Variants in NBEA observed in about 807,000 individuals in gnomAD.
NBEA encodes the protein lysosomal-trafficking regulator 2.
A neutral mutation model predicts 343.4 loss-of-function variants in NBEA; 44 were observed. The observed-to-expected ratio is 0.13, with a 90% CI of 0.10 to 0.16. The LOEUF (loss-of-function observed/expected upper bound fraction) is 0.16, where lower values mean the gene tolerates loss of function less well. Among genes scored for constraint, NBEA ranks in the 10% least tolerant of loss-of-function variants. The pLI, the probability that NBEA is intolerant of heterozygous loss-of-function variation, is 1.00. For missense variants in NBEA, 2,555 were observed against 3,631.3 expected, an observed-to-expected ratio of 0.70 and a Z score of 7.62; for synonymous variants, 1,175 against 1,238.7, an observed-to-expected ratio of 0.95 and a Z score of 1.08.
intron 35 of NBEA, among the ~76,000 whole-genome samples, chr13:35,302,898 A>G (rs2036644381): frequency 6.6e-6 from 1 of 152,230 alleles, no homozygotes; most frequent in South Asian, 2.1e-4. Flanking sequence ...CATAAAACAC[A>G]TAAAGAGTAA....
chr13:35,437,428 A>G (rs1049887658), intron 39 of NBEA, among the ~76,000 whole-genome samples: 10 of 152,152 alleles, frequency 6.6e-5, no homozygotes, highest in African/African-American at 2.4e-4. Context: ...CAGTTGGAAA[A>G]TATCCTTTAT....
chr13:35,247,327 A>G (rs1691030616), intron 34 of NBEA, among the ~76,000 whole-genome samples: 1 of 152,098 alleles, frequency 6.6e-6, no homozygotes, highest in Non-Finnish European at 1.5e-5. Flanking sequence ...TGGAATTGTT[A>G]CAAAATTCAG....
intron 1 of NBEA, among the ~76,000 whole-genome samples, chr13:35,004,825 A>T (rs1023078908): frequency 6.6e-6 from 1 of 152,210 alleles, no homozygotes; most frequent in Non-Finnish European, 1.5e-5. Context: ...TTTGAATTTA[A>T]GCATCGAAAA....
chr13:35,404,054 C>A (rs1006251563), intron 38 of NBEA, among the ~76,000 whole-genome samples: 3 of 152,118 alleles, frequency 2.0e-5, no homozygotes, highest in East Asian at 1.9e-4. Flanking sequence ...CAATGAGATA[C>A]CATCTCACAC....
At chr13:35,463,984 A>T (rs1394612802) in intron 40 of NBEA, among the ~76,000 whole-genome samples, 1 of 152,208 alleles carries the variant, frequency 6.6e-6, no homozygotes. Context: ...AGACAGAGAC[A>T]GTTAGGGATA....
At chr13:34,985,999 T>C (rs1190499129) in intron 1 of NBEA, among the ~76,000 whole-genome samples, 3 of 150,730 alleles carry the variant, frequency 2.0e-5, no homozygotes, top group Non-Finnish European at 4.5e-5. Flanking sequence ...CCTGGATTCA[T>C]GGTTTTTTGA....
At chr13:35,266,572 G>A (rs1336790608) in intron 34 of NBEA, among the ~76,000 whole-genome samples, 5 of 151,710 alleles carry the variant, frequency 3.3e-5, no homozygotes, top group Non-Finnish European at 5.9e-5. Flanking sequence ...GTTAAATGAA[G>A]TAAGCCAGGC....
intron 36 of NBEA, among the ~76,000 whole-genome samples, chr13:35,316,641 G>T (rs1473254503): frequency 6.6e-6 from 1 of 152,076 alleles, no homozygotes; most frequent in Non-Finnish European, 1.5e-5. Context: ...GGATTGCTGG[G>T]TCAAATGGTA....
chr13:35,171,517 A>G, intron 26 of NBEA, 65 bp downstream of exon 26: 2 of 1,285,424 alleles, frequency 1.6e-6, no homozygotes, highest in South Asian at 3.5e-5. Context: ...ATAAAGCACT[A>G]TGGTACATAA....
intron 8 of NBEA, among the ~76,000 whole-genome samples, chr13:35,059,498 T>A (rs2063385368): frequency 6.6e-6 from 1 of 151,906 alleles, no homozygotes; most frequent in South Asian, 2.1e-4. Flanking sequence ...ATATAAGGGT[T>A]CTATTTAAAT....
chr13:35,530,759 A>G (rs1045124977), intron 41 of NBEA, among the ~76,000 whole-genome samples: 37 of 152,348 alleles, frequency 2.4e-4, no homozygotes, highest in African/African-American at 8.7e-4. Flanking sequence ...TGGAGGAAAA[A>G]CAATCTTGGG....
chr13:35,611,691 CTTCT>C (rs1243552665), intron 48 of NBEA, among the ~76,000 whole-genome samples: 8 of 152,158 alleles, frequency 5.3e-5, no homozygotes, highest in African/African-American at 1.9e-4. Context: ...TTGAGTTTGA[CTTCT>C]TTGAGTAGTT....
intron 1 of NBEA, among the ~76,000 whole-genome samples, chr13:35,028,940 A>T (rs2062107249): frequency 6.6e-6 from 1 of 151,746 alleles, no homozygotes; most frequent in Non-Finnish European, 1.5e-5. Context: ...TGTAGCATGT[A>T]TCAGAACTTC....
intron 35 of NBEA, among the ~76,000 whole-genome samples, chr13:35,301,755 C>T (rs537928167): frequency 5.9e-5 from 9 of 152,136 alleles, no homozygotes; most frequent in Admixed American, 2.6e-4. Flanking sequence ...ATCCTTGAAT[C>T]GCCACACTGT....
intron 45 of NBEA, among the ~76,000 whole-genome samples, chr13:35,575,020 G>A (rs968153224): frequency 3.9e-5 from 6 of 152,156 alleles, no homozygotes; most frequent in African/African-American, 1.2e-4. Flanking sequence ...GATTATCGGC[G>A]TGAGCCACCA....
At chr13:35,503,503 T>C (rs2076966722) in intron 41 of NBEA, among the ~76,000 whole-genome samples, 1 of 151,960 alleles carries the variant, frequency 6.6e-6, no homozygotes, top group Admixed American at 6.6e-5. Context: ...ATGAATACCA[T>C]ATATTAATAA....
intron 24 of NBEA, 93 bp downstream of exon 24, chr13:35,164,602 A>G: frequency 7.4e-7 from 1 of 1,342,708 alleles, no homozygotes; most frequent in South Asian, 1.4e-5. Flanking sequence ...CATTTTAACC[A>G]GACCTGTACT....
At chr13:35,023,480 A>AGTAG (rs2061915493) in intron 1 of NBEA, among the ~76,000 whole-genome samples, 2 of 152,170 alleles carry the variant, frequency 1.3e-5, no homozygotes, top group African/African-American at 4.8e-5. Context: ...GTAGAGCTAT[A>AGTAG]GTAGATCCTA....
intron 1 of NBEA, among the ~76,000 whole-genome samples, chr13:35,014,000 C>T (rs539167376): frequency 6.6e-6 from 1 of 152,070 alleles, no homozygotes; most frequent in African/African-American, 2.4e-5. Context: ...GAGTTAAATG[C>T]CTGACCCGTT....
Sources: allele counts gnomAD v4.1 joint callset (sites outside exome capture counted in the v4.1 genomes callset), GRCh38; gene constraint gnomAD v4.1.1; transcripts MANE v1.5; gene names NCBI Gene and HGNC (gene_info 2026-07-23, HGNC 2026-07-21).